The following SHISA9 variants were observed in gnomAD, a reference collection of about 807,000 sequenced individuals.
SHISA9 encodes protein shisa-9.
Under a neutral mutation model 38.0 loss-of-function variants are expected in SHISA9, and 13 were observed. The ratio of observed to expected loss-of-function variants is 0.34; its 90% CI spans 0.22 to 0.54. The LOEUF is 0.54. Among genes scored for constraint, SHISA9 ranks in the 20% least tolerant of loss-of-function variants. The probability of loss-of-function intolerance (pLI) is 0.91; values close to 1 mark genes in which losing one functional copy is unlikely to be tolerated. For missense variants in SHISA9, 538 were observed against 575.8 expected (o/e 0.93, Z 0.67); for synonymous variants, 275 against 242.0 (o/e 1.14, Z -1.27).
At chr16:13,074,396 C>T (rs2073556515) in intron 2 of SHISA9, among the ~76,000 whole-genome samples, 1 of 152,126 alleles carries the variant, frequency 6.6e-6, no homozygotes, top group African/African-American at 2.4e-5. Context: ...CAGAGCTGTG[C>T]CTCTCCATTT....
the SHISA9 span, among the ~76,000 whole-genome samples, chr16:13,370,644 A>T: frequency 6.7e-4 from 102 of 152,178 alleles, 1 homozygote; most frequent in Non-Finnish European, 1.2e-3. Flanking sequence ...TGTCTTGTTC[A>T]GTTAGTTATT....
intron 2 of SHISA9, among the ~76,000 whole-genome samples, chr16:13,065,784 C>T (rs2073427464): frequency 6.6e-6 from 1 of 152,224 alleles, no homozygotes; most frequent in Non-Finnish European, 1.5e-5. Context: ...GTCTGGTGCT[C>T]CTAGAATCTC....
the SHISA9 span, among the ~76,000 whole-genome samples, chr16:13,404,080 T>G: frequency 6.6e-6 from 1 of 152,234 alleles, no homozygotes; most frequent in Non-Finnish European, 1.5e-5. Context: ...CCTAAGCTCA[T>G]GTCAGGAACT....
chr16:12,951,088 G>A (rs1209831011), intron 2 of SHISA9, among the ~76,000 whole-genome samples: 1 of 150,774 alleles, frequency 6.6e-6, no homozygotes, highest in Non-Finnish European at 1.5e-5. Context: ...AGGCGTGGTG[G>A]CAGGCACCTG....
intron 4 of SHISA9, among the ~76,000 whole-genome samples, chr16:13,221,438 CTTT>C (rs72459669): frequency 0.12 from 16,516 of 134,952 alleles, 1,109 homozygotes; most frequent in East Asian, 0.28. Context: ...AATACCTGGA[CTTT>C]TTTTTTTTTT....
At chr16:13,108,304 T>TG (rs2073946205) in intron 2 of SHISA9, among the ~76,000 whole-genome samples, 1 of 146,170 alleles carries the variant, frequency 6.8e-6, no homozygotes, top group Non-Finnish European at 1.5e-5. Context: ...AATTGTTTTG[T>TG]TTTTTTGTAG....
chr16:13,270,756 C>A, the SHISA9 span, among the ~76,000 whole-genome samples: 2 of 152,100 alleles, frequency 1.3e-5, no homozygotes, highest in African/African-American at 2.4e-5. Context: ...ACAGCTGTCA[C>A]TAAATATGAT....
the SHISA9 span, among the ~76,000 whole-genome samples, chr16:13,392,373 A>G: frequency 3.9e-5 from 6 of 152,194 alleles, no homozygotes; most frequent in Non-Finnish European, 8.8e-5. Flanking sequence ...ATGTACATGT[A>G]TATTAAAACA....
chr16:13,028,745 A>G (rs953257499), intron 2 of SHISA9, among the ~76,000 whole-genome samples: 5 of 152,146 alleles, frequency 3.3e-5, no homozygotes, highest in Admixed American at 6.5e-5. Context: ...GCTTCTTCCT[A>G]TAGATAAATT....
the SHISA9 span, among the ~76,000 whole-genome samples, chr16:13,464,594 T>C: frequency 6.6e-6 from 1 of 152,198 alleles, no homozygotes; most frequent in Non-Finnish European, 1.5e-5. Flanking sequence ...AAGCTGAAAT[T>C]GCCTCCCTCT....
At chr16:13,352,718 C>T in the SHISA9 span, among the ~76,000 whole-genome samples, 3 of 72,276 alleles carry the variant, frequency 4.2e-5, no homozygotes, top group East Asian at 7.3e-4. Flanking sequence ...GGGGGCGGGG[C>T]GTTTTATAGG....
the SHISA9 span, among the ~76,000 whole-genome samples, chr16:13,335,484 A>G: frequency 6.6e-6 from 1 of 152,196 alleles, no homozygotes; most frequent in Non-Finnish European, 1.5e-5. Flanking sequence ...ATAACTTTTC[A>G]TCGGTTGAGA....
chr16:13,459,087 C>T, the SHISA9 span, among the ~76,000 whole-genome samples: 1 of 152,030 alleles, frequency 6.6e-6, no homozygotes. Context: ...CTGCTGACCT[C>T]AGGTGAGCCA....
chr16:13,149,664 C>T (rs2050480000), intron 2 of SHISA9, among the ~76,000 whole-genome samples: 1 of 152,036 alleles, frequency 6.6e-6, no homozygotes, highest in African/African-American at 2.4e-5. Flanking sequence ...GTGGGTCACA[C>T]CTGTAATCCC....
At chr16:13,291,148 A>G in the SHISA9 span, among the ~76,000 whole-genome samples, 2 of 152,102 alleles carry the variant, frequency 1.3e-5, no homozygotes, top group African/African-American at 4.8e-5. Context: ...ACTGGGCTGG[A>G]TCTGTTACCT....
intron 4 of SHISA9, among the ~76,000 whole-genome samples, chr16:13,228,808 A>G (rs1457985802): frequency 6.6e-6 from 1 of 152,024 alleles, no homozygotes; most frequent in Non-Finnish European, 1.5e-5. Context: ...CCAGGTATTA[A>G]ACCTAGTACT....
chr16:13,458,263 C>T, the SHISA9 span: 2 of 213,562 alleles, frequency 9.4e-6, no homozygotes, highest in Non-Finnish European at 1.9e-5. Flanking sequence ...GGGTCACCTT[C>T]CTCTTTCAAC....
At chr16:13,356,011 C>A in the SHISA9 span, among the ~76,000 whole-genome samples, 2 of 152,290 alleles carry the variant, frequency 1.3e-5, no homozygotes, top group South Asian at 4.2e-4. Context: ...GGCCCAGTGG[C>A]CAGATTTCTG....
chr16:13,053,932 C>T (rs1410344566), intron 2 of SHISA9, among the ~76,000 whole-genome samples: 6 of 152,096 alleles, frequency 3.9e-5, no homozygotes, highest in African/African-American at 1.4e-4. Flanking sequence ...CCACTGATAC[C>T]CTCCCCAGAG....
Sources: allele counts gnomAD v4.1 joint callset (sites outside exome capture counted in the v4.1 genomes callset), GRCh38; gene constraint gnomAD v4.1.1; transcripts MANE v1.5; gene names NCBI Gene and HGNC (gene_info 2026-07-23, HGNC 2026-07-21).